The following SHISA9 variants were observed in gnomAD, a reference collection of about 807,000 sequenced individuals.
The protein encoded by SHISA9 is shisa family member 9.
Under a neutral mutation model 38.0 loss-of-function variants are expected in SHISA9, and 13 were observed. The observed-to-expected ratio is 0.34, with a 90% CI of 0.22 to 0.54. The LOEUF (loss-of-function observed/expected upper bound fraction) is 0.54. Ranked by LOEUF, SHISA9 falls within the 20% of genes least tolerant of loss-of-function variation. SHISA9 has a pLI of 0.91. For synonymous variants in SHISA9, 275 were observed against 242.0 expected, an observed-to-expected ratio of 1.14 and a Z score of -1.27; for missense variants, 538 against 575.8, an observed-to-expected ratio of 0.93 and a Z score of 0.67.
chr16:13,077,595 T>C (rs2073598218), intron 2 of SHISA9, among the ~76,000 whole-genome samples: 1 of 152,138 alleles, frequency 6.6e-6, no homozygotes, highest in South Asian at 2.1e-4. Context: ...CAAAAGCCTC[T>C]AGTACATTTT....
At chr16:13,358,779 G>A in the SHISA9 span, among the ~76,000 whole-genome samples, 3 of 152,178 alleles carry the variant, frequency 2.0e-5, no homozygotes, top group Non-Finnish European at 4.4e-5. Flanking sequence ...AACAGCAGCT[G>A]TAATAACCTT....
the SHISA9 span, among the ~76,000 whole-genome samples, chr16:13,293,241 C>G: frequency 6.6e-6 from 1 of 152,140 alleles, no homozygotes; most frequent in Middle Eastern, 3.2e-3. Context: ...AACACACGCA[C>G]GCGCGCAAAC....
At chr16:13,360,974 T>G in the SHISA9 span, among the ~76,000 whole-genome samples, 3 of 152,188 alleles carry the variant, frequency 2.0e-5, no homozygotes, top group Non-Finnish European at 4.4e-5. Flanking sequence ...GCTCTACTCC[T>G]CATTCCAACT....
intron 2 of SHISA9, among the ~76,000 whole-genome samples, chr16:13,085,371 A>G (rs758015595): frequency 2.0e-5 from 3 of 152,164 alleles, no homozygotes; most frequent in South Asian, 4.1e-4. Context: ...GAGCTCCAAC[A>G]TAGATATAGG....
chr16:12,946,930 G>A (rs557553907), intron 2 of SHISA9, among the ~76,000 whole-genome samples: 198 of 152,296 alleles, frequency 1.3e-3, no homozygotes, highest in African/African-American at 4.5e-3. Flanking sequence ...ATTTTTTCAC[G>A]TATTGTCCAT....
chr16:12,985,684 C>T (rs2072298986), intron 2 of SHISA9, among the ~76,000 whole-genome samples: 1 of 152,166 alleles, frequency 6.6e-6, no homozygotes, highest in Admixed American at 6.5e-5. Flanking sequence ...TGACAAACAG[C>T]TGGTGTTGTG....
intron 2 of SHISA9, among the ~76,000 whole-genome samples, chr16:13,089,787 G>A (rs1053725699): frequency 6.6e-6 from 1 of 151,942 alleles, no homozygotes; most frequent in Non-Finnish European, 1.5e-5. Context: ...AGTGTTTTTT[G>A]TGTGTCTATC....
intron 2 of SHISA9, among the ~76,000 whole-genome samples, chr16:13,161,652 C>T (rs2050596158): frequency 6.6e-6 from 1 of 152,156 alleles, no homozygotes; most frequent in Admixed American, 6.5e-5. Flanking sequence ...TTTCTTGTCT[C>T]TGCATTCTAG....
intron 2 of SHISA9, among the ~76,000 whole-genome samples, chr16:12,993,909 A>T (rs142040977): frequency 2.4e-3 from 363 of 152,200 alleles, no homozygotes; most frequent in Non-Finnish European, 3.4e-3. Context: ...GCTGGGGGAC[A>T]GGAAAGAGGG....
chr16:13,099,664 C>T (rs544538436), intron 2 of SHISA9, among the ~76,000 whole-genome samples: 1 of 152,076 alleles, frequency 6.6e-6, no homozygotes, highest in African/African-American at 2.4e-5. Flanking sequence ...CATGGCTGGA[C>T]CCCGATGGGC....
At chr16:13,072,701 C>T (rs1258216983) in intron 2 of SHISA9, among the ~76,000 whole-genome samples, 2 of 151,394 alleles carry the variant, frequency 1.3e-5, no homozygotes, top group African/African-American at 2.4e-5. Context: ...TGCTCTGTCA[C>T]CCAGGCTGGA....
chr16:13,187,811 T>C (rs2050842561), intron 2 of SHISA9, among the ~76,000 whole-genome samples: 2 of 152,192 alleles, frequency 1.3e-5, no homozygotes, highest in East Asian at 3.8e-4. Flanking sequence ...GGACAAAATG[T>C]ACAAGGTTGT....
chr16:13,498,067 A>T, the SHISA9 span, among the ~76,000 whole-genome samples: 2 of 152,158 alleles, frequency 1.3e-5, no homozygotes, highest in Non-Finnish European at 2.9e-5. Context: ...AAAATAAAAC[A>T]ACAAATTAAA....
the SHISA9 span, among the ~76,000 whole-genome samples, chr16:13,460,400 G>GC: frequency 3.3e-5 from 5 of 152,032 alleles, no homozygotes; most frequent in East Asian, 3.9e-4. Context: ...CTCACAACAA[G>GC]CCCCCCCGAT....
intron 1 of SHISA9, among the ~76,000 whole-genome samples, chr16:12,916,354 G>C (rs570657208): frequency 6.6e-6 from 1 of 152,284 alleles, no homozygotes; most frequent in Admixed American, 6.5e-5. Context: ...TTTGTATCTA[G>C]TGTTAGATAT....
the SHISA9 span, among the ~76,000 whole-genome samples, chr16:13,425,481 C>T: frequency 6.6e-6 from 1 of 151,962 alleles, no homozygotes; most frequent in African/African-American, 2.4e-5. Flanking sequence ...AGTGAGACTT[C>T]GTCTCAAACA....
chr16:13,206,642 C>G (rs2051067580), intron 3 of SHISA9, among the ~76,000 whole-genome samples: 1 of 152,222 alleles, frequency 6.6e-6, no homozygotes, highest in South Asian at 2.1e-4. Context: ...CAAATAGTGA[C>G]TGAGCCAAAT....
intron 2 of SHISA9, among the ~76,000 whole-genome samples, chr16:13,070,273 T>G (rs1156941993): frequency 6.6e-6 from 1 of 152,174 alleles, no homozygotes; most frequent in Non-Finnish European, 1.5e-5. Context: ...CCCCGGACTC[T>G]GCCTCCATCT....
chr16:13,479,428 C>T, the SHISA9 span, among the ~76,000 whole-genome samples: 1 of 152,022 alleles, frequency 6.6e-6, no homozygotes, highest in East Asian at 1.9e-4. Flanking sequence ...TACAAGGGGC[C>T]CCAGAATTTG....
Sources: gnomAD v4.1 joint callset for allele counts (sites outside exome capture counted in the v4.1 genomes callset) on GRCh38, gnomAD v4.1.1 for gene constraint, MANE v1.5 for transcripts, NCBI Gene and HGNC (gene_info 2026-07-23, HGNC 2026-07-21) for gene names.